Variants in SLC10A7 observed in about 807,000 individuals in gnomAD.
SLC10A7 encodes solute carrier family 10 member 7, also known as sodium/bile acid cotransporter 7.
Under a neutral mutation model 43.2 loss-of-function variants are expected in SLC10A7, and 29 were observed. The ratio of observed to expected loss-of-function variants is 0.67; its 90% CI spans 0.50 to 0.92. The LOEUF is 0.92. Ranked by LOEUF, SLC10A7 falls within the 40% of genes least tolerant of loss-of-function variation. The probability of loss-of-function intolerance (pLI) is 0.00; values close to 1 mark genes in which losing one functional copy is unlikely to be tolerated. For synonymous variants in SLC10A7, 152 were observed against 144.8 expected (o/e 1.05, Z -0.35); for missense variants, 295 against 403.2 (o/e 0.73, Z 2.30).
At chr4:146,297,643 A>G (rs1348104711) in intron 7 of SLC10A7, among the ~76,000 whole-genome samples, 1 of 152,020 alleles carries the variant, frequency 6.6e-6, no homozygotes, top group Non-Finnish European at 1.5e-5. Flanking sequence ...TGTTTCTTCA[A>G]TTTTTATCCT....
At chr4:146,259,477 T>C (rs931803885) in intron 10 of SLC10A7, among the ~76,000 whole-genome samples, 5 of 152,212 alleles carry the variant, frequency 3.3e-5, no homozygotes, top group African/African-American at 1.2e-4. Context: ...GGTGCACACC[T>C]GTAGTCTCAG....
At chr4:146,265,857 C>A (rs997720610) in intron 10 of SLC10A7, among the ~76,000 whole-genome samples, 1 of 152,020 alleles carries the variant, frequency 6.6e-6, no homozygotes, top group Non-Finnish European at 1.5e-5. Context: ...ACTGGACTGA[C>A]GAAGGAATAC....
At chr4:146,463,182 T>A (rs1224198508) in intron 4 of SLC10A7, among the ~76,000 whole-genome samples, 1 of 152,134 alleles carries the variant, frequency 6.6e-6, no homozygotes, top group East Asian at 1.9e-4. Flanking sequence ...CGGCCTGAAA[T>A]AAAAATATTT....
intron 5 of SLC10A7, among the ~76,000 whole-genome samples, chr4:146,373,870 G>T (rs931444979): frequency 6.6e-6 from 1 of 152,166 alleles, no homozygotes; most frequent in African/African-American, 2.4e-5. Flanking sequence ...ACAGGCAAAG[G>T]CTATAAGAGA....
chr4:146,349,927 C>T (rs979492333), intron 5 of SLC10A7, among the ~76,000 whole-genome samples: 3 of 152,072 alleles, frequency 2.0e-5, no homozygotes, highest in Non-Finnish European at 4.4e-5. Flanking sequence ...TCCCAAACCT[C>T]AGCATTATTT....
chr4:146,481,670 G>A (rs1004326038), intron 4 of SLC10A7, among the ~76,000 whole-genome samples: 4 of 152,138 alleles, frequency 2.6e-5, no homozygotes, highest in Non-Finnish European at 5.9e-5. Flanking sequence ...GGGCTGCTAG[G>A]GTATGCTTCA....
intron 6 of SLC10A7, among the ~76,000 whole-genome samples, chr4:146,312,199 C>T (rs1312986435): frequency 4.6e-5 from 7 of 152,024 alleles, no homozygotes; most frequent in Admixed American, 4.6e-4. Flanking sequence ...ACAAAAGAGG[C>T]TTAGTAGATT....
chr4:146,435,854 A>G (rs1007907550), intron 5 of SLC10A7, among the ~76,000 whole-genome samples: 1 of 152,112 alleles, frequency 6.6e-6, no homozygotes, highest in South Asian at 2.1e-4. Context: ...AGAATAATTT[A>G]TATTTATTTA....
intron 5 of SLC10A7, among the ~76,000 whole-genome samples, chr4:146,398,815 C>T (rs571102245): frequency 6.6e-6 from 1 of 152,214 alleles, no homozygotes; most frequent in Non-Finnish European, 1.5e-5. Flanking sequence ...TGGTAAGACT[C>T]CCAAAGTCCC....
chr4:146,320,965 A>G (rs1732667832), intron 6 of SLC10A7, among the ~76,000 whole-genome samples: 1 of 152,100 alleles, frequency 6.6e-6, no homozygotes. Flanking sequence ...TGATTGGAGC[A>G]AGAAAGTGAA....
intron 4 of SLC10A7, among the ~76,000 whole-genome samples, chr4:146,452,527 A>T (rs554795049): frequency 6.6e-6 from 1 of 152,216 alleles, no homozygotes; most frequent in East Asian, 1.9e-4. Flanking sequence ...AAAATAAGAA[A>T]TATTTATTGC....
intron 4 of SLC10A7, among the ~76,000 whole-genome samples, chr4:146,451,887 G>A (rs1405197867): frequency 6.6e-6 from 1 of 152,052 alleles, no homozygotes; most frequent in Non-Finnish European, 1.5e-5. Flanking sequence ...CCTGCCGAGA[G>A]CAGCAAAAGC....
chr4:146,419,643 C>G (rs1728815125), intron 5 of SLC10A7, among the ~76,000 whole-genome samples: 1 of 152,036 alleles, frequency 6.6e-6, no homozygotes, highest in East Asian at 1.9e-4. Context: ...CAAGACCAGC[C>G]TGGACAACAT....
In SLC10A7 at chr4:146,510,130, T is replaced by A. The variant is rs1030946935; in HGVS notation, c.184-81A>T. ...AGATCCCTACTAAAATAACATCACA[T>A]GAGTTAGTTCTTAATTTTGGGTTTT... On this transcript the variant is annotated intron_variant, in intron 2 of 11. Coordinates refer to ENST00000335472, the MANE Select transcript of SLC10A7 (RefSeq NM_001029998.6). The A allele has an allele frequency of 5.2e-6, 7 of 1,355,828 alleles. No individual in the cohort carries two copies. In the African/African-American group the frequency reaches 1.0e-4, roughly 20 times the overall value. 84.0% of individuals were successfully genotyped at this position (1,355,828 alleles called of 1,614,324 possible).
At chr4:146,403,138 C>G (rs1739336801) in intron 5 of SLC10A7, among the ~76,000 whole-genome samples, 1 of 152,122 alleles carries the variant, frequency 6.6e-6, no homozygotes, top group African/African-American at 2.4e-5. Flanking sequence ...TTGTAGTAGT[C>G]TTTGTTATAT....
chr4:146,387,956 T>C (rs1436631519), intron 5 of SLC10A7, among the ~76,000 whole-genome samples: 1 of 152,148 alleles, frequency 6.6e-6, no homozygotes, highest in African/African-American at 2.4e-5. Flanking sequence ...CATTCCATGC[T>C]CACAGACTGG....
chr4:146,304,429 C>T (rs985706070), intron 7 of SLC10A7, among the ~76,000 whole-genome samples: 2 of 151,942 alleles, frequency 1.3e-5, no homozygotes, highest in Non-Finnish European at 2.9e-5. Context: ...GAATGCATCC[C>T]AGAGATTCTG....
At chr4:146,484,030 T>C (rs190766326) in intron 4 of SLC10A7, among the ~76,000 whole-genome samples, 34 of 152,064 alleles carry the variant, frequency 2.2e-4, no homozygotes, top group Non-Finnish European at 3.8e-4. Flanking sequence ...GCAATAACAA[T>C]AATGAACTTC....
chr4:146,297,748 T>A lies in SLC10A7; in HGVS notation c.556-3653A>T, dbSNP rs1578818075. 1.3e-5 allele frequency among the ~76,000 whole-genome samples: 2 copies of A among 152,290 alleles called. 1 individual carries two copies. The highest frequency in any genetic ancestry group is 4.8e-5 in the African/African-American group (2 of 41,558). On this transcript the variant is annotated intron_variant, in intron 7 of 11. Transcript: ENST00000335472. ...TCAGAGATATGAAATCAAATCCAAT[T>A]TCTGTAACACTTTATTTTTATTAAA... is the stretch of plus-strand genomic sequence containing the variant.
Sources: gnomAD v4.1 joint callset for allele counts (sites outside exome capture counted in the v4.1 genomes callset) on GRCh38, gnomAD v4.1.1 for gene constraint, MANE v1.5 for transcripts, NCBI Gene and HGNC (gene_info 2026-07-23, HGNC 2026-07-21) for gene names.